The following TSKU variants were observed in gnomAD, a reference collection of about 807,000 sequenced individuals.
TSKU encodes tsukushi.
In TSKU, 4 loss-of-function variants were observed where a neutral mutation model predicts 11.2. That is an observed-to-expected ratio of 0.36 (90% CI 0.18 to 0.82). The LOEUF is 0.82. TSKU is among the 40% of genes least tolerant of loss of function. The pLI, the probability that TSKU is intolerant of heterozygous loss-of-function variation, is 0.50. For synonymous variants in TSKU, 220 were observed against 232.2 expected, an observed-to-expected ratio of 0.95 and a Z score of 0.48; for missense variants, 407 against 482.5, an observed-to-expected ratio of 0.84 and a Z score of 1.47.
Position 76,796,795 on chromosome 11 carries a change from C to T in TSKU, c.*117C>T, listed in dbSNP as rs1187637816. Reference sequence around the variant, plus strand: ...GGGAGCCCGCAGGCCTATGTGGCAGCGTCACCACAGGAGTTGTGGGCCTAG... The same window carrying T: ...GGGAGCCCGCAGGCCTATGTGGCAGTGTCACCACAGGAGTTGTGGGCCTAG... On this transcript the variant is annotated 3_prime_UTR_variant, in exon 2 of 2. Transcript: ENST00000333090. The surrounding 1 kb of genome is among the most constrained non-coding windows in gnomAD (Gnocchi z 4.1). 1.6e-5 allele frequency: 12 copies of T among 769,514 alleles called. No individual in the cohort carries two copies. In the South Asian group the frequency reaches 1.8e-4, roughly 12 times the overall value. The allele number at this position is 769,514 out of a possible 1,614,324, so 47.7% of individuals were successfully genotyped here.
At chr11:76,794,874 G>T (rs762104832) in intron 1 of TSKU, among the ~76,000 whole-genome samples, 17 of 152,314 alleles carry the variant, frequency 1.1e-4, no homozygotes, top group Non-Finnish European at 1.8e-4. Flanking sequence ...TGCAGGGAGG[G>T]AGTCCTGGTC....
rs139104189 is a variant in TSKU, at chr11:76,796,375, A to C, written c.759A>C (p.Leu253=). ...PELAPSGFRE[L]PGLQVLDLSG... ...TGGCGCCCAGTGGCTTCCGTGAGCTACCGGGCCTGCAGGTCCTGGACCTGT... is the reference window on the plus strand; with the variant it reads ...TGGCGCCCAGTGGCTTCCGTGAGCTCCCGGGCCTGCAGGTCCTGGACCTGT... Residue 253 remains leucine, a synonymous_variant, in exon 2 of 2, where the codon CTA becomes CTC. Transcript: ENST00000333090. This position sits in a 1 kb window ranked among gnomAD's most constrained non-coding sequence, Gnocchi z 4.1. 1 of 1,613,274 alleles carries C rather than the reference A, an allele frequency of 6.2e-7. No homozygotes were observed. The highest frequency in any genetic ancestry group is 8.5e-7 in the Non-Finnish European group (1 of 1,179,964).
chr11:76,782,725 C>G (rs187906629), upstream of TSKU: 1 of 152,198 alleles, frequency 6.6e-6, no homozygotes, highest in Admixed American at 6.5e-5. Context: ...TGTTGACTTT[C>G]TCTCTCCTCT....
In TSKU at chr11:76,786,307, C is replaced by G. The variant is rs547407173; in HGVS notation, c.-9+2903C>G. 1.7e-3 allele frequency among the ~76,000 whole-genome samples: 253 copies of G among 152,340 alleles called. 2 individuals are homozygous for G. The highest frequency in any genetic ancestry group is 5.8e-3 in the African/African-American group (243 of 41,574). On this transcript the variant is annotated intron_variant, in intron 1 of 1. Coordinates refer to ENST00000333090, the MANE Select transcript of TSKU (RefSeq NM_015516.4). ...TCGGGGGCAGCCCAAGGGCCATGGG[C>G]GCTCACAGGATGGGTGGCCTTTCCT...
Position 76,796,759 on chromosome 11 carries a change from C to A in TSKU, c.*81C>A. ...CCCGAGTAACTTATGTTCAATGTGC[C>A]AACACCAGTGGGGAGCCCGCAGGCC... On this transcript the variant is annotated 3_prime_UTR_variant, in exon 2 of 2. Transcript: ENST00000333090. The surrounding 1 kb of genome is among the most constrained non-coding windows in gnomAD (Gnocchi z 4.1). 6.0e-6 allele frequency: 7 copies of A among 1,157,626 alleles called. No homozygotes were observed. The highest frequency in any genetic ancestry group is 1.6e-5 in the African/African-American group (1 of 64,356). The allele number at this position is 1,157,626 out of a possible 1,614,324, so 71.7% of individuals were successfully genotyped here.
intron 1 of TSKU, among the ~76,000 whole-genome samples, chr11:76,785,746 GTGCGGT>G (rs1565126128): frequency 6.6e-6 from 1 of 152,144 alleles, no homozygotes; most frequent in East Asian, 1.9e-4. Flanking sequence ...GCACAGCAGG[GTGCGGT>G]TGGTAATTCT....
chr11:76,793,671 G>A (rs1312249593), intron 1 of TSKU, among the ~76,000 whole-genome samples: 3 of 152,134 alleles, frequency 2.0e-5, no homozygotes, highest in Admixed American at 1.3e-4. Context: ...GGAACAAAAG[G>A]GGCCTGAAGC....
At chr11:76,788,606 G>A (rs77964909) in intron 1 of TSKU, among the ~76,000 whole-genome samples, 9,573 of 152,258 alleles carry the variant, frequency 0.063, 496 homozygotes, top group East Asian at 0.29. Context: ...GATAGTGAGT[G>A]GAATGCCTGC....
At chr11:76,784,531 T>A (rs566525626) in intron 1 of TSKU, among the ~76,000 whole-genome samples, 1 of 151,992 alleles carries the variant, frequency 6.6e-6, no homozygotes, top group East Asian at 1.9e-4. Flanking sequence ...CTTCGCGGAG[T>A]CGCGGTCACT....
At chr11:76,786,583 A>G (rs1944314634) in intron 1 of TSKU, among the ~76,000 whole-genome samples, 1 of 152,182 alleles carries the variant, frequency 6.6e-6, no homozygotes, top group Non-Finnish European at 1.5e-5. Flanking sequence ...TGGTGCCAGC[A>G]TGGCTGGCAG....
intron 1 of TSKU, among the ~76,000 whole-genome samples, chr11:76,790,218 A>C (rs1017349496): frequency 1.4e-4 from 22 of 152,144 alleles, no homozygotes; most frequent in African/African-American, 4.6e-4. Flanking sequence ...TTCAGAGATG[A>C]GATGAGGACA....
intron 1 of TSKU, among the ~76,000 whole-genome samples, chr11:76,788,138 C>T (rs563208739): frequency 2.8e-4 from 42 of 151,994 alleles, no homozygotes; most frequent in African/African-American, 8.9e-4. Context: ...GGGATTTCCT[C>T]GGCATCAGCT....
In TSKU at chr11:76,795,859, G is replaced by C. The variant is rs143740250; in HGVS notation, c.243G>C (p.Pro81=). ...EMVNESVLAG[P]GYTTLAGLDL... ...TGAATGAGTCGGTGTTGGCGGGGCC[G>C]GGCTACACGACGTTGGCTGGCCTGG... is the stretch of plus-strand genomic sequence containing the variant. The change falls in exon 2 of 2, where the codon CCG becomes CCC. Residue 81 remains proline, a synonymous_variant. Coordinates refer to ENST00000333090, the MANE Select transcript of TSKU (RefSeq NM_015516.4). The C allele has an allele frequency of 2.3e-5, 37 of 1,613,658 alleles. No homozygotes were observed. The highest frequency in any genetic ancestry group is 5.0e-5 in the Admixed American group (3 of 59,986).
intron 1 of TSKU, 91 bp from the exon 2 acceptor site, chr11:76,795,518 C>A (rs1393430836): frequency 1.4e-6 from 2 of 1,475,132 alleles, no homozygotes; most frequent in Non-Finnish European, 1.8e-6. Context: ...TCTGTGACAC[C>A]TTCCAACAGT....
chr11:76,786,077 G>T (rs1944309608), intron 1 of TSKU, among the ~76,000 whole-genome samples: 2 of 152,248 alleles, frequency 1.3e-5, no homozygotes, highest in Non-Finnish European at 2.9e-5. Flanking sequence ...ATTGACTCTG[G>T]TCCTAAACCT....
chr11:76,782,857 C>G (rs1225462793), upstream of TSKU: 1 of 152,028 alleles, frequency 6.6e-6, no homozygotes, highest in African/African-American at 2.4e-5. Context: ...CTCTTTCACT[C>G]TTTAAAAAAA....
intron 1 of TSKU, among the ~76,000 whole-genome samples, chr11:76,793,243 C>T (rs531881455): frequency 6.6e-6 from 1 of 152,368 alleles, no homozygotes; most frequent in South Asian, 2.1e-4. Context: ...CTACCATTGC[C>T]TCAGTTCTGT....
Position 76,796,744 on chromosome 11 carries a change from T to C in TSKU, c.*66T>C. 1 of 1,272,984 alleles carries C rather than the reference T, an allele frequency of 7.9e-7. No individual in the cohort carries two copies. The allele number at this position is 1,272,984 out of a possible 1,614,324, so 78.9% of individuals were successfully genotyped here. Reference sequence around the variant, plus strand: ...TGGGCTGCCTCAGGTCCCGAGTAACTTATGTTCAATGTGCCAACACCAGTG... The same window carrying C: ...TGGGCTGCCTCAGGTCCCGAGTAACCTATGTTCAATGTGCCAACACCAGTG... On this transcript the variant is annotated 3_prime_UTR_variant, in exon 2 of 2. Coordinates refer to ENST00000333090, the MANE Select transcript of TSKU (RefSeq NM_015516.4). The surrounding 1 kb of genome is among the most constrained non-coding windows in gnomAD (Gnocchi z 4.1).
chr11:76,796,189 G>C lies in TSKU; in HGVS notation c.573G>C (p.Leu191=), dbSNP rs770029745. ...LPAPTIQSLN[L]AWNRLHAVPN... ...CGCCCACCATTCAGAGCCTGAACCT[G>C]GCCTGGAACCGGCTCCATGCCGTGC... Residue 191 remains leucine, a synonymous_variant, in exon 2 of 2, where the codon CTG becomes CTC. Coordinates refer to ENST00000333090, the MANE Select transcript of TSKU (RefSeq NM_015516.4). This position sits in a 1 kb window ranked among gnomAD's most constrained non-coding sequence, Gnocchi z 4.1. 1.2e-6 allele frequency: 2 copies of C among 1,613,510 alleles called. No individual in the cohort carries two copies. The highest frequency in any genetic ancestry group is 3.3e-5 in the Admixed American group (2 of 59,998).
Sources: gnomAD v4.1 joint callset for allele counts (sites outside exome capture counted in the v4.1 genomes callset) on GRCh38, gnomAD v4.1.1 for gene constraint, Gnocchi (gnomAD v3.1) non-coding constraint, MANE v1.5 for transcripts, NCBI Gene and HGNC (gene_info 2026-07-23, HGNC 2026-07-21) for gene names.